Variants in IQCH observed in about 807,000 individuals in gnomAD.
IQCH encodes IQ motif containing H.
In IQCH, 98 loss-of-function variants were observed where a neutral mutation model predicts 117.0. That is an observed-to-expected ratio of 0.84 (90% CI 0.71 to 0.99). The LOEUF is 0.99. Ranked by LOEUF, IQCH falls within the 50% of genes least tolerant of loss-of-function variation. The pLI, the probability that IQCH is intolerant of heterozygous loss-of-function variation, is 0.00. For synonymous variants in IQCH, 412 were observed against 448.2 expected (o/e 0.92, Z 1.02); for missense variants, 1,102 against 1,243.8 (o/e 0.89, Z 1.72).
chr15:67,255,123 T>A (rs564582197), intron 1 of IQCH, 176 bp downstream of exon 1: 4 of 650,918 alleles, frequency 6.1e-6, no homozygotes, highest in Non-Finnish European at 1.1e-5. Context: ...CCCAGCACAC[T>A]CCCGGTGACT....
At chr15:67,348,653 T>A (rs901751028) in intron 6 of IQCH, among the ~76,000 whole-genome samples, 1 of 152,214 alleles carries the variant, frequency 6.6e-6, no homozygotes, top group Non-Finnish European at 1.5e-5. Flanking sequence ...GCCATGTTCA[T>A]AGATTAGAAG....
At position 67,351,700 on chromosome 15, in the gene IQCH, G is replaced by A. The variant is rs144058568; in HGVS notation, c.638-5645G>A. Among the ~76,000 whole-genome samples, 515 of 152,190 alleles carry A rather than the reference G, an allele frequency of 3.4e-3. 1 individual carries two copies. Among genetic ancestry groups the A allele is most frequent in the African/African-American group, 0.012 (497 of 41,512 alleles). Reference sequence around the variant, plus strand: ...GTTATTATATCTTACTAGTAAATGGGAACTTTTATCATTGCACACTGTCCT... The same window carrying A: ...GTTATTATATCTTACTAGTAAATGGAAACTTTTATCATTGCACACTGTCCT... On this transcript the variant is annotated intron_variant, in intron 6 of 20. Transcript: ENST00000335894.
chr15:67,272,040 T>A (rs2140455856), intron 3 of IQCH, among the ~76,000 whole-genome samples: 1 of 152,262 alleles, frequency 6.6e-6, no homozygotes, highest in Admixed American at 6.5e-5. Flanking sequence ...TACTTTTTGA[T>A]ATAGGCATTT....
At chr15:67,343,211 G>A (rs1444936) in intron 5 of IQCH, among the ~76,000 whole-genome samples, 31,867 of 152,030 alleles carry the variant, frequency 0.21, 4,063 homozygotes, top group East Asian at 0.47. Flanking sequence ...TACACAGTTT[G>A]TATTCTAGGA....
chr15:67,496,608 G>T lies in IQCH; in HGVS notation c.2970+2242G>T, dbSNP rs2083817985. ...ACCTGTAATCCCAGCACTTTGGGAG[G>T]CCAAGGTGGGAGGATTACTTGCACT... On this transcript the variant is annotated intron_variant, in intron 20 of 20. Coordinates refer to ENST00000335894, the MANE Select transcript of IQCH (RefSeq NM_001031715.3). The surrounding 1 kb of genome is among the most constrained non-coding windows in gnomAD (Gnocchi z 4.4). Among the ~76,000 whole-genome samples, 3 of 152,144 alleles carry T rather than the reference G, an allele frequency of 2.0e-5. 1 individual carries two copies. In the South Asian group the frequency reaches 6.2e-4, roughly 32 times the overall value.
chr15:67,303,477 G>A (rs1967151624), intron 4 of IQCH, among the ~76,000 whole-genome samples: 2 of 152,096 alleles, frequency 1.3e-5, no homozygotes. Context: ...GAAATTATTA[G>A]TAATACCATA....
At chr15:67,499,010 T>C (rs1007992314) in intron 20 of IQCH, among the ~76,000 whole-genome samples, 4 of 151,968 alleles carry the variant, frequency 2.6e-5, no homozygotes, top group Admixed American at 6.6e-5. Context: ...TCAGAGGAGA[T>C]ATGCAGGCCA....
chr15:67,462,636 G>A (rs932762579), intron 16 of IQCH, among the ~76,000 whole-genome samples: 6 of 151,706 alleles, frequency 4.0e-5, no homozygotes, highest in African/African-American at 9.7e-5. Context: ...CTCTGACTCC[G>A]TGGTTCTCAC....
chr15:67,319,394 T>C (rs7170004), intron 4 of IQCH, among the ~76,000 whole-genome samples: 69,502 of 152,008 alleles, frequency 0.46, 16,338 homozygotes, highest in Non-Finnish European at 0.52. Flanking sequence ...TCATGGGCTT[T>C]AGTGTGTTTA....
Position 67,465,549 on chromosome 15 carries a change from G to C in IQCH, c.2676+252G>C, listed in dbSNP as rs1310305209. On this transcript the variant is annotated intron_variant, in intron 17 of 20. Coordinates refer to ENST00000335894, the MANE Select transcript of IQCH (RefSeq NM_001031715.3). The surrounding 1 kb of genome is among the most constrained non-coding windows in gnomAD (Gnocchi z 5.9). ...TGGGGCTCTCCTCCCCTTTTTCTAG[G>C]CAGGTACACCTACACCCATTGCCTC... is the stretch of plus-strand genomic sequence containing the variant. 6.6e-6 allele frequency among the ~76,000 whole-genome samples: 1 copy of C among 152,014 alleles called. No homozygotes were observed. The highest frequency in any genetic ancestry group is 1.5e-5 in the Non-Finnish European group (1 of 67,990).
chr15:67,438,002 G>A (rs965889868), intron 16 of IQCH, among the ~76,000 whole-genome samples: 3 of 152,102 alleles, frequency 2.0e-5, no homozygotes, highest in African/African-American at 4.8e-5. Flanking sequence ...AAACTTCCCC[G>A]GCCTTGTGAG....
Position 67,443,346 on chromosome 15 carries a change from TG to T in IQCH, c.2505+21770del, listed in dbSNP as rs2082323767. Among the ~76,000 whole-genome samples, 5 of 152,286 alleles carry T rather than the reference TG, an allele frequency of 3.3e-5. No homozygotes were observed. In the South Asian group the frequency reaches 1.0e-3, roughly 32 times the overall value. ...CAGGAATGGAAAACCGGACATCGTA[TG>T]TTCTCACTGATATGTGGGAGCTAAG... On this transcript the variant is annotated intron_variant, in intron 16 of 20. Transcript: ENST00000335894. This position sits in a 1 kb window ranked among gnomAD's most constrained non-coding sequence, Gnocchi z 5.0.
chr15:67,404,709 T>G lies in IQCH; in HGVS notation c.2097+4404T>G, dbSNP rs1017098627. 3 of 152,242 alleles carry G rather than the reference T, an allele frequency of 2.0e-5. No individual in the cohort carries two copies. The highest frequency in any genetic ancestry group is 4.4e-5 in the Non-Finnish European group (3 of 68,046). The allele number at this position is 152,242 out of a possible 1,614,324, so 9.4% of individuals were successfully genotyped here. A position where few individuals can be genotyped will look rare whatever the true frequency, so the allele number is the denominator to read the frequency against. On this transcript the variant is annotated intron_variant, in intron 14 of 20. Transcript: ENST00000335894. This position sits in a 1 kb window ranked among gnomAD's most constrained non-coding sequence, Gnocchi z 4.6. ...CGTCACAATTATTAGATGCATAATA[T>G]TCTCTCATATTGATGAACTCTAATA...
At chr15:67,279,001 C>T (rs1208059335) in intron 3 of IQCH, among the ~76,000 whole-genome samples, 1 of 152,064 alleles carries the variant, frequency 6.6e-6, no homozygotes, top group African/African-American at 2.4e-5. Context: ...AAGTATTAAT[C>T]ACTTAGGGAC....
At chr15:67,399,171 C>G in intron 13 of IQCH, among the ~76,000 whole-genome samples, 1 of 152,148 alleles carries the variant, frequency 6.6e-6, no homozygotes, top group South Asian at 2.1e-4. Context: ...GGAGTCAAAG[C>G]AACTTGAATG....
At chr15:67,480,924 A>G (rs2083322803) in intron 18 of IQCH, among the ~76,000 whole-genome samples, 1 of 151,976 alleles carries the variant, frequency 6.6e-6, no homozygotes, top group South Asian at 2.1e-4. Flanking sequence ...TGAATGAATC[A>G]GACATCTTGC....
At chr15:67,486,665 T>C (rs1023722964) in intron 18 of IQCH, among the ~76,000 whole-genome samples, 3 of 152,208 alleles carry the variant, frequency 2.0e-5, no homozygotes, top group African/African-American at 7.2e-5. Flanking sequence ...CCAATAGAAA[T>C]ATAATGAAAA....
In IQCH at chr15:67,391,890, C is replaced by T. The variant is rs1971296890; in HGVS notation, c.1632+2884C>T. Reference sequence around the variant, plus strand: ...GTACTTGCCAATAGAAACACGCAAACCTAGAGGAGACAGAACTCCATCCTG... The same window carrying T: ...GTACTTGCCAATAGAAACACGCAAATCTAGAGGAGACAGAACTCCATCCTG... On this transcript the variant is annotated intron_variant, in intron 12 of 20. Transcript: ENST00000335894. The surrounding 1 kb of genome is among the most constrained non-coding windows in gnomAD (Gnocchi z 4.3). Among the ~76,000 whole-genome samples, 1 of 152,144 alleles carries T rather than the reference C, an allele frequency of 6.6e-6. No homozygotes were observed. Among genetic ancestry groups the T allele is most frequent in the South Asian group, 2.1e-4 (1 of 4,830 alleles).
chr15:67,286,164 T>C (rs1415267293), intron 4 of IQCH, among the ~76,000 whole-genome samples: 1 of 152,204 alleles, frequency 6.6e-6, no homozygotes, highest in Non-Finnish European at 1.5e-5. Context: ...CTTTTATTAA[T>C]TCCTGGATAT....
Sources: gnomAD v4.1 joint callset for allele counts (sites outside exome capture counted in the v4.1 genomes callset) on GRCh38, gnomAD v4.1.1 for gene constraint, Gnocchi (gnomAD v3.1) non-coding constraint, MANE v1.5 for transcripts, NCBI Gene and HGNC (gene_info 2026-07-23, HGNC 2026-07-21) for gene names.